Variants in EFNA5 observed in about 807,000 individuals in gnomAD.
The protein encoded by EFNA5 is ephrin-A5.
A neutral mutation model predicts 22.9 loss-of-function variants in EFNA5; 5 were observed. That is an observed-to-expected ratio of 0.22 (90% CI 0.11 to 0.46). The LOEUF (loss-of-function observed/expected upper bound fraction) is 0.46. Ranked by LOEUF, EFNA5 falls within the 20% of genes least tolerant of loss-of-function variation. EFNA5 has a pLI of 0.99. For synonymous variants in EFNA5, 113 were observed against 112.2 expected, an observed-to-expected ratio of 1.01 and a Z score of -0.04; for missense variants, 237 against 293.3, an observed-to-expected ratio of 0.81 and a Z score of 1.40.
intron 1 of EFNA5, among the ~76,000 whole-genome samples, chr5:107,612,579 G>A (rs1050614495): frequency 6.6e-6 from 1 of 152,028 alleles, no homozygotes; most frequent in African/African-American, 2.4e-5. Context: ...AACTGTCAAG[G>A]TCCATACAGA....
At chr5:107,522,319 T>A (rs1179506574) in intron 1 of EFNA5, among the ~76,000 whole-genome samples, 2 of 152,344 alleles carry the variant, frequency 1.3e-5, no homozygotes, top group East Asian at 3.9e-4. Flanking sequence ...GAAATATCCA[T>A]GGGGTCACCC....
At chr5:107,458,946 T>C (rs979200436) in intron 1 of EFNA5, among the ~76,000 whole-genome samples, 1 of 152,202 alleles carries the variant, frequency 6.6e-6, no homozygotes, top group African/African-American at 2.4e-5. Flanking sequence ...GTTGATTCTC[T>C]ATAAAGGATT....
chr5:107,499,449 T>C (rs905006098), intron 1 of EFNA5, among the ~76,000 whole-genome samples: 1 of 152,246 alleles, frequency 6.6e-6, no homozygotes, highest in Non-Finnish European at 1.5e-5. Context: ...TCAAAGTAAT[T>C]TTCCCTACAT....
At position 107,422,082 on chromosome 5, in the gene EFNA5, C is replaced by T. The variant is rs140540047; in HGVS notation, c.418+5135G>A. On this transcript the variant is annotated intron_variant, in intron 2 of 4. Coordinates refer to ENST00000333274, the MANE Select transcript of EFNA5 (RefSeq NM_001962.3). ...CTGGGATTACAGGCATGAGCCACTG[C>T]GCCCGGCCCTCTTCTTTTAGTTGCT... Among the ~76,000 whole-genome samples the T allele has an allele frequency of 1.7e-3, 254 of 152,320 alleles. 1 individual carries two copies. The highest frequency in any genetic ancestry group is 4.5e-3 in the African/African-American group (188 of 41,564).
chr5:107,387,001 T>C (rs1747643302), intron 4 of EFNA5, among the ~76,000 whole-genome samples: 1 of 152,220 alleles, frequency 6.6e-6, no homozygotes, highest in Non-Finnish European at 1.5e-5. Context: ...ATTAGGATAC[T>C]GCATTAGCTC....
chr5:107,402,118 T>C (rs1304512617), intron 2 of EFNA5, among the ~76,000 whole-genome samples: 1 of 152,174 alleles, frequency 6.6e-6, no homozygotes, highest in African/African-American at 2.4e-5. Flanking sequence ...TCCTTGGAGA[T>C]ATGTAGATAT....
chr5:107,619,778 TTCTG>T (rs1235384260), intron 1 of EFNA5, among the ~76,000 whole-genome samples: 1 of 152,308 alleles, frequency 6.6e-6, no homozygotes, highest in East Asian at 1.9e-4. Flanking sequence ...CTGGACTTTC[TTCTG>T]TCTTTCAGTA....
At chr5:107,448,621 G>T (rs1749460353) in intron 1 of EFNA5, among the ~76,000 whole-genome samples, 1 of 151,922 alleles carries the variant, frequency 6.6e-6, no homozygotes, top group Non-Finnish European at 1.5e-5. Context: ...ACGAGATCAG[G>T]AGTTCGAGAC....
chr5:107,433,110 C>T (rs944605585), intron 1 of EFNA5, among the ~76,000 whole-genome samples: 1 of 152,058 alleles, frequency 6.6e-6, no homozygotes. Context: ...CTATTAGTAG[C>T]TAAGGTTTTC....
intron 4 of EFNA5, among the ~76,000 whole-genome samples, chr5:107,383,986 C>A (rs1428195149): frequency 6.6e-6 from 1 of 152,198 alleles, no homozygotes; most frequent in Non-Finnish European, 1.5e-5. Flanking sequence ...GCATCAGGAT[C>A]CTTCTCTTCT....
chr5:107,434,434 T>A (rs1465921500), intron 1 of EFNA5, among the ~76,000 whole-genome samples: 1 of 152,202 alleles, frequency 6.6e-6, no homozygotes, highest in Non-Finnish European at 1.5e-5. Flanking sequence ...ATAATCCTCC[T>A]TCTCTGAGTT....
At chr5:107,505,661 G>A (rs529033934) in intron 1 of EFNA5, among the ~76,000 whole-genome samples, 51 of 152,274 alleles carry the variant, frequency 3.3e-4, no homozygotes, top group East Asian at 7.7e-4. Flanking sequence ...AACTGATTGC[G>A]TAGTGAAAAT....
chr5:107,521,625 AT>A (rs1181196176), intron 1 of EFNA5, among the ~76,000 whole-genome samples: 3 of 151,662 alleles, frequency 2.0e-5, no homozygotes, highest in Non-Finnish European at 4.4e-5. Context: ...TACCCTAGTG[AT>A]TGCGCGGCTT....
At chr5:107,620,353 A>T (rs1580564198) in intron 1 of EFNA5, among the ~76,000 whole-genome samples, 1 of 152,228 alleles carries the variant, frequency 6.6e-6, no homozygotes, top group East Asian at 1.9e-4. Context: ...TAACTTACTT[A>T]TTTCAAACTG....
At chr5:107,478,092 C>T (rs990033325) in intron 1 of EFNA5, among the ~76,000 whole-genome samples, 1 of 152,126 alleles carries the variant, frequency 6.6e-6, no homozygotes, top group African/African-American at 2.4e-5. Context: ...AAATGCTACT[C>T]ATTATGTCAT....
chr5:107,445,548 C>T (rs1580456148), intron 1 of EFNA5, among the ~76,000 whole-genome samples: 2 of 152,084 alleles, frequency 1.3e-5, no homozygotes, highest in East Asian at 1.9e-4. Flanking sequence ...ATGGAGAAAT[C>T]GCAAGATGCT....
chr5:107,497,034 G>A (rs1040863291), intron 1 of EFNA5, among the ~76,000 whole-genome samples: 3 of 152,170 alleles, frequency 2.0e-5, no homozygotes, highest in Non-Finnish European at 4.4e-5. Context: ...CCCAAAGTAG[G>A]CACCTGTAGT....
chr5:107,536,255 T>C (rs1207750865), intron 1 of EFNA5, among the ~76,000 whole-genome samples: 1 of 152,204 alleles, frequency 6.6e-6, no homozygotes, highest in African/African-American at 2.4e-5. Context: ...AATAATCTGC[T>C]TGTTTCATAC....
chr5:107,532,693 G>A (rs903175241), intron 1 of EFNA5, among the ~76,000 whole-genome samples: 35 of 152,210 alleles, frequency 2.3e-4, no homozygotes, highest in African/African-American at 8.2e-4. Context: ...CTGGGCACCA[G>A]AGTGACCTCT....
Sources: gnomAD v4.1 joint callset for allele counts (sites outside exome capture counted in the v4.1 genomes callset) on GRCh38, gnomAD v4.1.1 for gene constraint, MANE v1.5 for transcripts, NCBI Gene and HGNC (gene_info 2026-07-23, HGNC 2026-07-21) for gene names.